The following NOX5 variants were observed in gnomAD, a reference collection of about 807,000 sequenced individuals.
NOX5 encodes the protein NADPH oxidase 5.
In NOX5, 76 loss-of-function variants were observed where a neutral mutation model predicts 85.7. The observed-to-expected ratio is 0.89, with a 90% confidence interval of 0.74 to 1.07. NOX5 has a LOEUF of 1.07. NOX5 is among the 50% of genes least tolerant of loss of function. The pLI is 0.00. For missense variants in NOX5, 973 were observed against 999.5 expected (o/e 0.97, Z 0.36); for synonymous variants, 405 against 401.4 (o/e 1.01, Z -0.11).
chr15:69,024,222 GA>G (rs2140249518), intron 1 of NOX5: 1 of 152,144 alleles, frequency 6.6e-6, no homozygotes, highest in Non-Finnish European at 1.5e-5. Context: ...CATAAAAAAT[GA>G]GACCATAATT....
intron 6 of NOX5, 29 bp from the exon 7 acceptor site, chr15:69,035,729 T>A: frequency 6.2e-7 from 1 of 1,606,016 alleles, no homozygotes; most frequent in Non-Finnish European, 8.5e-7. Flanking sequence ...GGTCTTGCAG[T>A]CACTCAACCT....
At chr15:69,037,512 G>C (rs929790594) in intron 8 of NOX5, 5 of 356,564 alleles carry the variant, frequency 1.4e-5, no homozygotes, top group African/African-American at 1.0e-4. Flanking sequence ...CCCTGAACTA[G>C]GTTACAGAGA....
chr15:69,015,794 T>C (rs1227704048), intron 1 of NOX5, among the ~76,000 whole-genome samples: 1 of 151,780 alleles, frequency 6.6e-6, no homozygotes, highest in Non-Finnish European at 1.5e-5. Flanking sequence ...TGTGAATGTC[T>C]TTGGGGGGGC....
At chr15:69,032,586 T>A (rs1181375994) in intron 4 of NOX5, among the ~76,000 whole-genome samples, 1 of 152,048 alleles carries the variant, frequency 6.6e-6, no homozygotes, top group African/African-American at 2.4e-5. Flanking sequence ...AGTTTTTGTA[T>A]TTTTAGTAGA....
chr15:69,042,674 C>T lies in NOX5; in HGVS notation c.1516C>T (p.Leu506=). The stretch of plus-strand genomic sequence containing the variant: ...CTTCTCTTTCTCAGACACTATCTGG[C>T]TGCACATTCGGTCCCAAGGCCAGTG... ...SAPEQKDTIW[L]HIRSQGQWTN... Residue 506 remains leucine, a synonymous_variant, in exon 10 of 16, where the codon CTG becomes TTG. Transcript: ENST00000388866. The T allele has an allele frequency of 6.2e-7, 1 of 1,613,410 alleles. No homozygotes were observed. The highest frequency in any genetic ancestry group is 1.3e-5 in the African/African-American group (1 of 75,050).
At chr15:69,017,775 TACACACACAC>T (rs35677555) in intron 1 of NOX5, among the ~76,000 whole-genome samples, 10 of 146,756 alleles carry the variant, frequency 6.8e-5, no homozygotes, top group East Asian at 4.0e-4. Context: ...ATATATTTTA[TACACACACAC>T]ACACACACAC....
chr15:69,048,870 G>A (rs1288107533), intron 13 of NOX5, 89 bp from the exon 14 acceptor site: 1 of 840,158 alleles, frequency 1.2e-6, no homozygotes, highest in African/African-American at 1.7e-5. Context: ...TTACTTCAGG[G>A]TGGTCATATG....
intron 14 of NOX5, among the ~76,000 whole-genome samples, chr15:69,051,415 G>A (rs529213005): frequency 2.0e-5 from 3 of 151,872 alleles, no homozygotes; most frequent in African/African-American, 7.2e-5. Context: ...TTGAGACAGA[G>A]TGTGTCTCCA....
Position 69,014,698 on chromosome 15 carries a change from A to T in NOX5, c.-38A>T, listed in dbSNP as rs571086896. ...CAGTGCAGGCAGCTCAATGGACAGC[A>T]GTCTTTCTGGGACCTGTGATCTAGA... On this transcript the variant is annotated 5_prime_UTR_variant, in exon 1 of 16. Coordinates refer to ENST00000388866, the MANE Select transcript of NOX5 (RefSeq NM_024505.4). The T allele has an allele frequency of 9.1e-5, 141 of 1,550,054 alleles. No individual in the cohort carries two copies. The African/African-American group carries it at 1.2e-3, about 13-fold the overall frequency.
intron 13 of NOX5, among the ~76,000 whole-genome samples, chr15:69,048,635 C>G (rs1237097762): frequency 6.6e-6 from 1 of 152,118 alleles, no homozygotes; most frequent in Non-Finnish European, 1.5e-5. Flanking sequence ...GTATAGGCCA[C>G]TTAGAAGAGT....
intron 4 of NOX5, 34 bp from the exon 5 acceptor site, chr15:69,033,009 G>A: frequency 1.3e-6 from 2 of 1,525,868 alleles, no homozygotes; most frequent in Non-Finnish European, 8.7e-7. Flanking sequence ...CCGCCCCACC[G>A]CTCGCCTCTG....
At chr15:69,015,852 C>T (rs1006011659) in intron 1 of NOX5, among the ~76,000 whole-genome samples, 2 of 141,598 alleles carry the variant, frequency 1.4e-5, no homozygotes, top group Non-Finnish European at 3.0e-5. Context: ...AGCAGGCACT[C>T]GAAGCTTGGA....
chr15:69,018,380 C>T (rs375531080), intron 1 of NOX5, among the ~76,000 whole-genome samples: 1 of 152,198 alleles, frequency 6.6e-6, no homozygotes, highest in Non-Finnish European at 1.5e-5. Flanking sequence ...AAGCCTGCTA[C>T]GTGGAGGCTT....
chr15:69,058,570 T>C lies in NOX5; in HGVS notation c.*1874T>C, dbSNP rs1595795536. On this transcript the variant is annotated 3_prime_UTR_variant, in exon 16 of 16. Coordinates refer to ENST00000388866, the MANE Select transcript of NOX5 (RefSeq NM_024505.4). ...CAAGGAGAGGCTAATTCGGTTTGGG[T>C]GGGTGGAAAGCGGGGCTCGTGCTTG... 1 of 152,028 alleles carries C rather than the reference T, an allele frequency of 6.6e-6. No individual in the cohort carries two copies. Among genetic ancestry groups the C allele is most frequent in the South Asian group, 2.1e-4 (1 of 4,814 alleles). The allele number at this position is 152,028 out of a possible 1,614,324, so 9.4% of individuals were successfully genotyped here.
intron 10 of NOX5, among the ~76,000 whole-genome samples, chr15:69,044,188 A>G (rs1159754219): frequency 2.0e-5 from 3 of 152,164 alleles, no homozygotes; most frequent in Non-Finnish European, 4.4e-5. Flanking sequence ...CAACTAAAAA[A>G]AAAAAAAAGC....
chr15:69,020,658 G>A (rs1351716178), intron 1 of NOX5, among the ~76,000 whole-genome samples: 2 of 151,390 alleles, frequency 1.3e-5, no homozygotes, highest in African/African-American at 4.8e-5. Flanking sequence ...ATTTTTATAT[G>A]CATATAAATA....
At position 69,028,240 on chromosome 15, in the gene NOX5, C is replaced by A. The variant is rs1349084754; in HGVS notation, c.200C>A (p.Ala67Asp). 2.5e-6 allele frequency: 4 copies of A among 1,610,640 alleles called. No homozygotes were observed. Among genetic ancestry groups the A allele is most frequent in the Non-Finnish European group, 2.5e-6 (3 of 1,178,472 alleles). Reference sequence around the variant, plus strand: ...TCCTTCTTTGCAGAGCGATTCTTTGCCCTATTTGACTCCGATAGAAGTGGC... The same window carrying A: ...TCCTTCTTTGCAGAGCGATTCTTTGACCTATTTGACTCCGATAGAAGTGGC... ...KESFFAERFF[A>D]LFDSDRSGTI... The change falls in exon 3 of 16, where the codon GCC (alanine) becomes GAC (aspartate). Residue 67 changes from alanine (A) to aspartate (D), a missense_variant. Coordinates refer to ENST00000388866, the MANE Select transcript of NOX5 (RefSeq NM_024505.4).
At chr15:69,026,765 C>T in intron 2 of NOX5, 114 bp downstream of exon 2, 2 of 1,432,764 alleles carry the variant, frequency 1.4e-6, no homozygotes, top group African/African-American at 1.4e-5. Context: ...GAGGTCTCCA[C>T]CTTGTAGCGG....
rs61100336 is a variant in NOX5, at chr15:69,052,191, T to C, written c.1999+3133T>C. Among the ~76,000 whole-genome samples, 1,093 of 151,706 alleles carry C rather than the reference T, an allele frequency of 7.2e-3. 14 individuals are homozygous for C. The highest frequency in any genetic ancestry group is 0.025 in the African/African-American group (1,045 of 41,282). ...CATGATAGCCCTACTGCACTCCAGC[T>C]TGGGCAACAGAGTAAGACCCTGTCT... On this transcript the variant is annotated intron_variant, in intron 14 of 15. Transcript: ENST00000388866.
Sources: gnomAD v4.1 joint callset for allele counts (sites outside exome capture counted in the v4.1 genomes callset) on GRCh38, gnomAD v4.1.1 for gene constraint, MANE v1.5 for transcripts, NCBI Gene and HGNC (gene_info 2026-07-23, HGNC 2026-07-21) for gene names.